Variants in SLC47A2 observed in about 807,000 individuals in gnomAD.
SLC47A2 encodes the protein solute carrier family 47 member 2, also known as multidrug and toxin extrusion protein 2.
Under a neutral mutation model 67.7 loss-of-function variants are expected in SLC47A2, and 52 were observed. The observed-to-expected ratio is 0.77, with a 90% CI of 0.61 to 0.97. SLC47A2 has a LOEUF of 0.97. SLC47A2 is among the 50% of genes least tolerant of loss of function. The pLI is 0.00. For missense variants in SLC47A2, 676 were observed against 712.3 expected, an observed-to-expected ratio of 0.95 and a Z score of 0.58; for synonymous variants, 278 against 292.9, an observed-to-expected ratio of 0.95 and a Z score of 0.52.
chr17:19,684,419 A>G (rs901401942), intron 13 of SLC47A2, among the ~76,000 whole-genome samples: 2 of 152,214 alleles, frequency 1.3e-5, no homozygotes, highest in African/African-American at 4.8e-5. Flanking sequence ...GATGCAACTA[A>G]GGCAATGCTT....
chr17:19,708,565 A>T, intron 6 of SLC47A2, 151 bp downstream of exon 6: 1 of 1,606,746 alleles, frequency 6.2e-7, no homozygotes, highest in Admixed American at 1.7e-5. Context: ...TCTGTGCGGG[A>T]GGTCAGGATA....
chr17:19,712,119 G>C (rs1306091283), intron 5 of SLC47A2, among the ~76,000 whole-genome samples: 2 of 152,180 alleles, frequency 1.3e-5, no homozygotes, highest in Admixed American at 1.3e-4. Context: ...GGGCACGGTG[G>C]CTCACATCTG....
chr17:19,704,617 T>C, intron 10 of SLC47A2: 1 of 1,503,542 alleles, frequency 6.7e-7, no homozygotes, highest in Non-Finnish European at 8.9e-7. Context: ...CTCCTTTGCT[T>C]AAAGCTGGGG....
intron 9 of SLC47A2, 127 bp downstream of exon 9, chr17:19,706,521 G>C: frequency 1.4e-6 from 1 of 703,618 alleles, no homozygotes; most frequent in East Asian, 3.0e-5. Context: ...AAGCTGGAAG[G>C]GGGCTGGTGA....
intron 3 of SLC47A2, 137 bp downstream of exon 3, chr17:19,714,584 G>A: frequency 2.1e-6 from 2 of 941,760 alleles, no homozygotes; most frequent in Non-Finnish European, 3.4e-6. Context: ...TTGGAGGTAG[G>A]GCAGGGGCAG....
chr17:19,714,843 G>A (rs1307314259), intron 2 of SLC47A2, 54 bp from the exon 3 acceptor site: 2 of 1,609,856 alleles, frequency 1.2e-6, no homozygotes, highest in Non-Finnish European at 1.7e-6. Context: ...CCTGAAGAGA[G>A]GCCCCTGCAT....
Position 19,688,585 on chromosome 17 carries a change from T to A in SLC47A2, c.1165-6915A>T, listed in dbSNP as rs527373201. Among the ~76,000 whole-genome samples, 6 of 152,268 alleles carry A rather than the reference T, an allele frequency of 3.9e-5. No homozygotes were observed. The East Asian group carries it at 9.6e-4, about 24-fold the overall frequency. ...TCCTTGTTCGCAGGTGATATCATCTTTTTTGTTTGTTTGTTTTGTTTTTGG... is the reference window on the plus strand; with the variant it reads ...TCCTTGTTCGCAGGTGATATCATCTATTTTGTTTGTTTGTTTTGTTTTTGG... On this transcript the variant is annotated intron_variant, in intron 13 of 16. Coordinates refer to ENST00000433844, the MANE Select transcript of SLC47A2 (RefSeq NM_001099646.3).
chr17:19,693,476 A>G (rs1286290771), intron 13 of SLC47A2, among the ~76,000 whole-genome samples: 1 of 152,014 alleles, frequency 6.6e-6, no homozygotes, highest in East Asian at 1.9e-4. Flanking sequence ...ACTTGGATTC[A>G]ACATTGTACT....
intron 6 of SLC47A2, 140 bp downstream of exon 6, chr17:19,708,576 T>C (rs2086010525): frequency 1.2e-6 from 2 of 1,603,064 alleles, no homozygotes; most frequent in African/African-American, 1.3e-5. Flanking sequence ...GGTCAGGATA[T>C]GGCAGGTGGG....
Position 19,681,399 on chromosome 17 carries a change from C to T in SLC47A2, c.1360G>A (p.Ala454Thr). The T allele has an allele frequency of 9.9e-6, 16 of 1,612,534 alleles. No homozygotes were observed. The highest frequency in any genetic ancestry group is 1.4e-5 in the Non-Finnish European group (16 of 1,179,306). ...LATAAFVAYT[A>T]RLDWKLAAEE... ...GCAGCAAGCTTCCAGTCCAGCCGGG[C>T]AGTATAAGCAACAAAGGCAGCAGTT... Residue 454 changes from alanine to threonine, a missense_variant, in exon 15 of 17, where the codon GCC (alanine) becomes ACC (threonine). Ala to Thr is a moderately conservative substitution (Grantham distance 58, BLOSUM62 0). Coordinates refer to ENST00000433844, the MANE Select transcript of SLC47A2 (RefSeq NM_001099646.3).
chr17:19,681,531 C>A lies in SLC47A2; in HGVS notation c.1297+7G>T. 6.2e-7 allele frequency: 1 copy of A among 1,614,172 alleles called. No individual in the cohort carries two copies. The highest frequency in any genetic ancestry group is 8.5e-7 in the Non-Finnish European group (1 of 1,180,038). ...CAGGCCTCTCCCGACTTCCTCACAC[C>A]ACATACCCATGATTCTCATTCTGAC... On this transcript the variant is annotated splice_region_variant and intron_variant, in intron 14 of 16. Transcript: ENST00000433844.
At chr17:19,690,824 G>A (rs62065951) in intron 13 of SLC47A2, among the ~76,000 whole-genome samples, 2 of 151,872 alleles carry the variant, frequency 1.3e-5, no homozygotes, top group Non-Finnish European at 2.9e-5. Flanking sequence ...ATGAAGAAAA[G>A]GGAACCCCCC....
intron 13 of SLC47A2, among the ~76,000 whole-genome samples, chr17:19,682,329 T>TTACA (rs1555537208): frequency 2.1e-5 from 3 of 143,784 alleles, no homozygotes; most frequent in Admixed American, 7.0e-5. Flanking sequence ...CGAGACTTGG[T>TTACA]CACACACACA....
chr17:19,693,602 C>T (rs897766875), intron 13 of SLC47A2, among the ~76,000 whole-genome samples: 10 of 133,528 alleles, frequency 7.5e-5, no homozygotes, highest in African/African-American at 2.6e-4. Flanking sequence ...GAAACCCCGT[C>T]TCTACTAAAA....
At chr17:19,700,844 C>T (rs1360017873) in intron 13 of SLC47A2, among the ~76,000 whole-genome samples, 1 of 151,238 alleles carries the variant, frequency 6.6e-6, no homozygotes, top group East Asian at 1.9e-4. Context: ...CACCCAGACA[C>T]TAGAGAAAAA....
At chr17:19,696,340 T>C (rs2085663147) in intron 13 of SLC47A2, among the ~76,000 whole-genome samples, 1 of 149,550 alleles carries the variant, frequency 6.7e-6, no homozygotes, top group Non-Finnish European at 1.5e-5. Flanking sequence ...TGCGCACCTG[T>C]AGTCCCAGCT....
Position 19,705,441 on chromosome 17 carries a change from A to G in SLC47A2, c.904T>C (p.Tyr302His), listed in dbSNP as rs755775679. Residue 302 changes from tyrosine (Y) to histidine (H), a missense_variant, in exon 10 of 17, where the codon TAC (tyrosine) becomes CAC (histidine). By Grantham distance (83) the Tyr-to-His change is moderately conservative. Transcript: ENST00000433844. Reference sequence around the variant, plus strand: ...CACCCCTGCAGGAGCCTTACCATGTAGGTCACAGTGGCCACCTCGTAGATG... The same window carrying G: ...CACCCCTGCAGGAGCCTTACCATGTGGGTCACAGTGGCCACCTCGTAGATG... ...AVIYEVATVT[Y>H]MIPLGLSIGV... 1.9e-6 allele frequency: 3 copies of G among 1,611,614 alleles called. No homozygotes were observed. The highest frequency in any genetic ancestry group is 2.5e-6 in the Non-Finnish European group (3 of 1,179,216).
At chr17:19,686,351 A>T (rs2085428668) in intron 13 of SLC47A2, among the ~76,000 whole-genome samples, 2 of 152,208 alleles carry the variant, frequency 1.3e-5, no homozygotes, top group South Asian at 4.1e-4. Context: ...ATACTACCAG[A>T]GAAAATCACC....
chr17:19,715,139 C>A lies in SLC47A2; in HGVS notation c.202G>T (p.Ala68Ser). The A allele has an allele frequency of 6.2e-7, 1 of 1,612,458 alleles. No individual in the cohort carries two copies. The highest frequency in any genetic ancestry group is 8.5e-7 in the Non-Finnish European group (1 of 1,179,998). Residue 68 changes from alanine (A) to serine (S), a missense_variant, in exon 2 of 17, where the codon GCA (alanine) becomes TCA (serine). Physicochemically the swap from Ala to Ser is moderately conservative, Grantham distance 99. Coordinates refer to ENST00000433844, the MANE Select transcript of SLC47A2 (RefSeq NM_001099646.3). ...ACGGCCACCGCGAGGGTCACCGATG[C>A]CAGCTCCACCTTGCCCAGGTGCCCG... ...FCGHLGKVEL[A>S]SVTLAVAFVN...
Sources: gnomAD v4.1 joint callset for allele counts (sites outside exome capture counted in the v4.1 genomes callset) on GRCh38, gnomAD v4.1.1 for gene constraint, MANE v1.5 for transcripts, NCBI Gene and HGNC (gene_info 2026-07-23, HGNC 2026-07-21) for gene names.